FRAS1: variants seen among roughly 807,000 people sequenced by gnomAD.
FRAS1 encodes the protein extracellular matrix organizing protein FRAS1.
In FRAS1, 290 loss-of-function variants were observed where a neutral mutation model predicts 435.2. That is an observed-to-expected ratio of 0.67 (90% CI 0.61 to 0.73). The LOEUF is 0.73. Among genes scored for constraint, FRAS1 ranks in the 30% least tolerant of loss-of-function variants. The pLI is 0.00. For synonymous variants in FRAS1, 1,800 were observed against 1,851.0 expected (o/e 0.97, Z 0.71); for missense variants, 4,860 against 5,001.5 (o/e 0.97, Z 0.85).
chr4:78,287,545 C>T (rs1727669706), intron 14 of FRAS1, among the ~76,000 whole-genome samples: 1 of 152,116 alleles, frequency 6.6e-6, no homozygotes, highest in Non-Finnish European at 1.5e-5. Context: ...TGCAGCTAAA[C>T]ATAACGGGGG....
chr4:78,100,621 C>T (rs895633421), intron 2 of FRAS1, among the ~76,000 whole-genome samples: 1 of 152,344 alleles, frequency 6.6e-6, no homozygotes, highest in Non-Finnish European at 1.5e-5. Flanking sequence ...AGGGCCCTGC[C>T]TTTGTTTTTA....
rs1721191248 is a variant in FRAS1, at chr4:78,515,836, T to C, written c.10212T>C (p.Thr3404=). The change falls in exon 66 of 74, where the codon ACT becomes ACC. Residue 3404 remains threonine, a synonymous_variant. Transcript: ENST00000512123. Reference sequence around the variant, plus strand: ...TGGATGATGTGGTCTATGATAGCACTGCCCTGGGGCCTGGCTACGATCGCC... The same window carrying C: ...TGGATGATGTGGTCTATGATAGCACCGCCCTGGGGCCTGGCTACGATCGCC... ...GFLDDVVYDS[T]ALGPGYDRPF... is the part of the protein sequence containing the mutation. The C allele has an allele frequency of 1.2e-6, 2 of 1,614,034 alleles. No individual in the cohort carries two copies. Among genetic ancestry groups the C allele is most frequent in the Admixed American group, 1.7e-5 (1 of 60,026 alleles).
intron 71 of FRAS1, among the ~76,000 whole-genome samples, chr4:78,536,572 A>G (rs1332498990): frequency 1.3e-5 from 2 of 152,144 alleles, no homozygotes; most frequent in East Asian, 3.9e-4. Context: ...TGAGCACTCC[A>G]TGAGTTATTA....
chr4:78,496,548 T>G (rs989611251), intron 59 of FRAS1, among the ~76,000 whole-genome samples: 17 of 152,236 alleles, frequency 1.1e-4, no homozygotes, highest in African/African-American at 3.9e-4. Context: ...GTTTTGTTGA[T>G]CTTGTTTTTC....
At chr4:78,319,577 G>T in intron 18 of FRAS1, 1 of 293,292 alleles carries the variant, frequency 3.4e-6, no homozygotes. Context: ...CTAAAGCTAC[G>T]TGAAAAAAAA....
chr4:78,524,133 T>C (rs1327604386), intron 69 of FRAS1, among the ~76,000 whole-genome samples: 1 of 152,216 alleles, frequency 6.6e-6, no homozygotes, highest in Non-Finnish European at 1.5e-5. Flanking sequence ...CAGCTCATTA[T>C]CTTATGATGG....
chr4:78,521,394 A>G (rs920504505), intron 67 of FRAS1, 129 bp from the exon 68 acceptor site: 4 of 618,900 alleles, frequency 6.5e-6, no homozygotes, highest in Non-Finnish European at 8.6e-6. Flanking sequence ...AGACATATAA[A>G]TGTTATCTTG....
At chr4:78,221,558 C>T (rs1005769012) in intron 2 of FRAS1, among the ~76,000 whole-genome samples, 20 of 152,120 alleles carry the variant, frequency 1.3e-4, no homozygotes, top group African/African-American at 4.8e-4. Flanking sequence ...TTAGAAGGGA[C>T]CCTCATTCTC....
chr4:78,300,727 G>T (rs961205984), intron 14 of FRAS1, among the ~76,000 whole-genome samples: 2 of 152,028 alleles, frequency 1.3e-5, no homozygotes, highest in African/African-American at 2.4e-5. Flanking sequence ...GGTCAAATTT[G>T]ACCAGGCCTC....
In FRAS1 at chr4:78,446,278, G is replaced by A. The variant is rs1718827046; in HGVS notation, c.5857-449G>A. ...ACTCTTAAGGGTCAGTGGTGGAAAG[G>A]GGCTGGCACCAGGGCAGGGAGACAG... On this transcript the variant is annotated intron_variant, in intron 42 of 73. Coordinates refer to ENST00000512123, the MANE Select transcript of FRAS1 (RefSeq NM_025074.7). 8.9e-6 allele frequency: 9 copies of A among 1,006,678 alleles called. No individual in the cohort carries two copies. The South Asian group carries it at 1.3e-4, about 15-fold the overall frequency. 62.4% of individuals were successfully genotyped at this position (1,006,678 alleles called of 1,614,324 possible). A position where few individuals can be genotyped will look rare whatever the true frequency, so the allele number is the denominator to read the frequency against.
chr4:78,095,468 G>A (rs952120819), intron 2 of FRAS1, among the ~76,000 whole-genome samples: 7 of 152,148 alleles, frequency 4.6e-5, no homozygotes, highest in East Asian at 1.9e-4. Flanking sequence ...GGGCTTTATT[G>A]TGTCCCTCTG....
intron 2 of FRAS1, among the ~76,000 whole-genome samples, chr4:78,188,539 T>C (rs901796142): frequency 3.9e-5 from 6 of 152,200 alleles, no homozygotes; most frequent in Non-Finnish European, 8.8e-5. Flanking sequence ...CTTTCAACTG[T>C]TTGGATCAGG....
intron 35 of FRAS1, among the ~76,000 whole-genome samples, chr4:78,427,807 CA>C (rs1263711776): frequency 6.6e-6 from 1 of 152,190 alleles, no homozygotes; most frequent in Non-Finnish European, 1.5e-5. Flanking sequence ...AGATCTGTCT[CA>C]AGGGAAAGAC....
intron 2 of FRAS1, among the ~76,000 whole-genome samples, chr4:78,227,368 C>T (rs1168129769): frequency 6.6e-6 from 1 of 152,194 alleles, no homozygotes; most frequent in Non-Finnish European, 1.5e-5. Flanking sequence ...GCTAGAATCA[C>T]CTCTAAACCA....
chr4:78,126,519 A>G (rs28627481), intron 2 of FRAS1, among the ~76,000 whole-genome samples: 7,462 of 152,290 alleles, frequency 0.049, 253 homozygotes, highest in Middle Eastern at 0.085. Context: ...AGCTGTTCCT[A>G]TATGGCTATC....
chr4:78,128,693 C>G (rs964715095), intron 2 of FRAS1, among the ~76,000 whole-genome samples: 31 of 152,210 alleles, frequency 2.0e-4, no homozygotes, highest in African/African-American at 7.5e-4. Context: ...ATTTCCTCCC[C>G]TTCTGTAGGT....
At chr4:78,084,426 T>A (rs1035383757) in intron 2 of FRAS1, among the ~76,000 whole-genome samples, 2 of 152,118 alleles carry the variant, frequency 1.3e-5, no homozygotes, top group African/African-American at 2.4e-5. Context: ...CAGGATGCCT[T>A]CAAATGTAAA....
chr4:78,357,156 G>T lies in FRAS1; in HGVS notation c.2423-6357G>T, dbSNP rs142427937. The stretch of plus-strand genomic sequence containing the variant: ...TGCCCTGCTCCTGTTGCAGCTAACT[G>T]CCACCAGTGTTCTTGTCTCAGCCTC... On this transcript the variant is annotated intron_variant, in intron 20 of 73. Coordinates refer to ENST00000512123, the MANE Select transcript of FRAS1 (RefSeq NM_025074.7). Among the ~76,000 whole-genome samples, 102 of 152,238 alleles carry T rather than the reference G, an allele frequency of 6.7e-4. 1 individual carries two copies. The East Asian group carries it at 0.019, about 28-fold the overall frequency.
At chr4:78,294,519 A>G (rs906075701) in intron 14 of FRAS1, among the ~76,000 whole-genome samples, 1 of 152,170 alleles carries the variant, frequency 6.6e-6, no homozygotes, top group African/African-American at 2.4e-5. Context: ...TAGAAGAGAT[A>G]ACTTTACCAG....
Sources: gnomAD v4.1 joint callset for allele counts (sites outside exome capture counted in the v4.1 genomes callset) on GRCh38, gnomAD v4.1.1 for gene constraint, MANE v1.5 for transcripts, NCBI Gene and HGNC (gene_info 2026-07-23, HGNC 2026-07-21) for gene names.